The following NCKAP5 variants were observed in gnomAD, a reference collection of about 807,000 sequenced individuals.
NCKAP5 encodes the protein NCK associated protein 5, also known as nck-associated protein 5.
Under a neutral mutation model 167.0 loss-of-function variants are expected in NCKAP5, and 92 were observed. The observed-to-expected ratio is 0.55, with a 90% CI of 0.47 to 0.66. The LOEUF (loss-of-function observed/expected upper bound fraction) is 0.66. NCKAP5 is among the 30% of genes least tolerant of loss of function. The probability of loss-of-function intolerance (pLI) is 0.00; values close to 1 mark genes in which losing one functional copy is unlikely to be tolerated. For synonymous variants in NCKAP5, 891 were observed against 877.4 expected, an observed-to-expected ratio of 1.02 and a Z score of -0.27; for missense variants, 2,378 against 2,315.0, an observed-to-expected ratio of 1.03 and a Z score of -0.56.
In NCKAP5 at chr2:132,736,700, T is replaced by C. The variant is rs543689004; in HGVS notation, c.5129-4649A>G. On this transcript the variant is annotated intron_variant, in intron 16 of 19. Coordinates refer to ENST00000409261, the MANE Select transcript of NCKAP5 (RefSeq NM_207363.3). ...TACTTGGGAGGCTGAGGCAGGAGAA[T>C]TGCCTGAACCTGGGAGGTGGAGGTG... Among the ~76,000 whole-genome samples, 31 of 152,002 alleles carry C rather than the reference T, an allele frequency of 2.0e-4. No homozygotes were observed. In the South Asian group the frequency reaches 5.6e-3, roughly 28 times the overall value.
At chr2:133,612,008 G>T in the NCKAP5 span, among the ~76,000 whole-genome samples, 1 of 152,144 alleles carries the variant, frequency 6.6e-6, no homozygotes, top group Non-Finnish European at 1.5e-5. Flanking sequence ...TCTATGGTCA[G>T]GTAGGTATAC....
intron 11 of NCKAP5, among the ~76,000 whole-genome samples, chr2:132,834,993 T>C (rs771813675): frequency 1.3e-5 from 2 of 152,208 alleles, no homozygotes; most frequent in African/African-American, 4.8e-5. Context: ...GTTCCTTTAA[T>C]GCCTACTTTG....
intron 4 of NCKAP5, among the ~76,000 whole-genome samples, chr2:133,216,937 C>T (rs2086454016): frequency 6.6e-6 from 1 of 151,946 alleles, no homozygotes; most frequent in African/African-American, 2.4e-5. Flanking sequence ...AAAAACTTCG[C>T]AAAACATGTA....
intron 6 of NCKAP5, among the ~76,000 whole-genome samples, chr2:133,001,533 T>C (rs1378983652): frequency 1.3e-5 from 2 of 152,170 alleles, no homozygotes; most frequent in African/African-American, 4.8e-5. Flanking sequence ...TTCAATTATT[T>C]AAAAATGCAT....
Position 133,171,700 on chromosome 2 carries a change from T to C in NCKAP5, c.208-41589A>G, listed in dbSNP as rs577570390. Among the ~76,000 whole-genome samples, 18 of 152,314 alleles carry C rather than the reference T, an allele frequency of 1.2e-4. No homozygotes were observed. In the South Asian group the frequency reaches 3.5e-3, roughly 30 times the overall value. ...GCTCCAGAAATATATGTCAACACAATACCACTAACAAGTGAACCAGACAAC... is the reference window on the plus strand; with the variant it reads ...GCTCCAGAAATATATGTCAACACAACACCACTAACAAGTGAACCAGACAAC... On this transcript the variant is annotated intron_variant, in intron 5 of 19. Transcript: ENST00000409261.
the NCKAP5 span, among the ~76,000 whole-genome samples, chr2:133,601,577 A>T: frequency 5.3e-5 from 8 of 152,206 alleles, no homozygotes; most frequent in South Asian, 8.3e-4. Flanking sequence ...TAAAAAAAAT[A>T]AAAAAATTAG....
At chr2:132,734,580 C>T (rs980886575) in intron 16 of NCKAP5, among the ~76,000 whole-genome samples, 18 of 152,256 alleles carry the variant, frequency 1.2e-4, no homozygotes, top group African/African-American at 4.8e-5. Flanking sequence ...ACGTTAGGGG[C>T]GCTTTTTCTT....
chr2:132,673,445 A>G (rs920045056), intron 19 of NCKAP5, 140 bp from the exon 20 acceptor site: 1 of 646,188 alleles, frequency 1.5e-6, no homozygotes, highest in African/African-American at 1.9e-5. Flanking sequence ...ATCTTCTAGT[A>G]TAATTAGATG....
intron 7 of NCKAP5, among the ~76,000 whole-genome samples, chr2:132,980,783 A>G (rs374823254): frequency 6.6e-6 from 1 of 152,242 alleles, no homozygotes; most frequent in African/African-American, 2.4e-5. Context: ...AGAAAAAAAA[A>G]GGTAATAAAA....
chr2:132,895,666 G>A (rs1250478741), intron 8 of NCKAP5, among the ~76,000 whole-genome samples: 1 of 152,038 alleles, frequency 6.6e-6, no homozygotes, highest in Non-Finnish European at 1.5e-5. Flanking sequence ...TCTGTGCTTA[G>A]CCCTCAACAA....
intron 5 of NCKAP5, among the ~76,000 whole-genome samples, chr2:133,202,759 C>T (rs1377002336): frequency 6.6e-6 from 1 of 152,152 alleles, no homozygotes; most frequent in East Asian, 1.9e-4. Context: ...CAAAAGAAGA[C>T]ATTTATGCAG....
chr2:132,772,672 T>G (rs976025136), intron 16 of NCKAP5, among the ~76,000 whole-genome samples: 11 of 151,420 alleles, frequency 7.3e-5, no homozygotes, highest in Non-Finnish European at 1.5e-4. Context: ...GGATGTCCTT[T>G]TGGAATAATA....
intron 8 of NCKAP5, among the ~76,000 whole-genome samples, chr2:132,894,975 T>C (rs1693025382): frequency 6.6e-6 from 1 of 152,084 alleles, no homozygotes; most frequent in Non-Finnish European, 1.5e-5. Context: ...AGAGGGAACA[T>C]AAGGACTTGG....
the NCKAP5 span, among the ~76,000 whole-genome samples, chr2:133,598,436 C>T: frequency 2.6e-5 from 4 of 152,212 alleles, no homozygotes; most frequent in East Asian, 5.8e-4. Flanking sequence ...CCACACAACT[C>T]TGAGAATGAT....
the NCKAP5 span, among the ~76,000 whole-genome samples, chr2:133,663,691 C>A: frequency 6.6e-6 from 1 of 152,176 alleles, no homozygotes; most frequent in East Asian, 1.9e-4. Context: ...GAGATTGCAG[C>A]AATTCAGTCA....
intron 6 of NCKAP5, among the ~76,000 whole-genome samples, chr2:133,125,366 G>T (rs553063205): frequency 6.6e-6 from 1 of 151,948 alleles, no homozygotes; most frequent in Middle Eastern, 3.4e-3. Context: ...TAAATCCAGG[G>T]GTCCAAACAG....
intron 2 of NCKAP5, among the ~76,000 whole-genome samples, chr2:133,520,031 A>T (rs2104765856): frequency 6.9e-6 from 1 of 145,506 alleles, no homozygotes; most frequent in East Asian, 2.0e-4. Flanking sequence ...ACTAAAAATA[A>T]AAAAAAAAAA....
chr2:133,536,976 T>C (rs550083359), intron 2 of NCKAP5, among the ~76,000 whole-genome samples: 1 of 152,138 alleles, frequency 6.6e-6, no homozygotes, highest in South Asian at 2.1e-4. Context: ...GTTTTTTTGG[T>C]AGGTTTGAGA....
At chr2:133,130,599 T>C (rs1265065184) in intron 5 of NCKAP5, among the ~76,000 whole-genome samples, 9 of 152,196 alleles carry the variant, frequency 5.9e-5, no homozygotes, top group Non-Finnish European at 1.2e-4. Context: ...GGCTCAAGAA[T>C]TGTTTTTCAT....
Sources: allele counts gnomAD v4.1 joint callset (sites outside exome capture counted in the v4.1 genomes callset), GRCh38; gene constraint gnomAD v4.1.1; transcripts MANE v1.5; gene names NCBI Gene and HGNC (gene_info 2026-07-23, HGNC 2026-07-21).